Variants in RARB observed in about 807,000 individuals in gnomAD.
The protein encoded by RARB is HBV-activated protein.
In RARB, 17 loss-of-function variants were observed where a neutral mutation model predicts 51.9. The observed-to-expected ratio is 0.33, with a 90% CI of 0.22 to 0.49. The LOEUF is 0.49. Ranked by LOEUF, RARB falls within the 20% of genes least tolerant of loss-of-function variation. RARB has a pLI of 0.99. For synonymous variants in RARB, 215 were observed against 195.4 expected (o/e 1.10, Z -0.84); for missense variants, 369 against 550.8 (o/e 0.67, Z 3.30).
At chr3:24,900,343 A>G (rs1345907682) in intron 2 of RARB, among the ~76,000 whole-genome samples, 1 of 152,244 alleles carries the variant, frequency 6.6e-6, no homozygotes, top group Non-Finnish European at 1.5e-5. Flanking sequence ...GAGGCTGATT[A>G]CAACATAATG....
intron 2 of RARB, among the ~76,000 whole-genome samples, chr3:25,014,892 A>G (rs76723485): frequency 0.058 from 8,794 of 152,170 alleles, 372 homozygotes; most frequent in Non-Finnish European, 0.085. Context: ...TTTTGGTTAT[A>G]TTTCCCTAAC....
At chr3:25,189,791 A>C (rs540994903) in intron 5 of RARB, among the ~76,000 whole-genome samples, 14 of 152,108 alleles carry the variant, frequency 9.2e-5, no homozygotes, top group Non-Finnish European at 1.9e-4. Context: ...AGGCTGAGGC[A>C]GGAGAATTGG....
rs539731207 is a variant in RARB at position 25,541,870 on chromosome 3, C to A, written c.449-27888C>A. Among the ~76,000 whole-genome samples the A allele has an allele frequency of 3.9e-5, 6 of 152,318 alleles. No individual in the cohort carries two copies. The South Asian group carries it at 1.0e-3, about 26-fold the overall frequency. On this transcript the variant is annotated intron_variant, in intron 3 of 7. Transcript: ENST00000330688. ...TCCTGAGCCCCTCTGTGGTCACCAC[C>A]ATGGTACTAGCTGAGAACTCTGCTA...
rs371108313 is a variant in RARB at position 24,849,843 on chromosome 3, T to C, written c.-458-8831T>C. 2.6e-5 allele frequency among the ~76,000 whole-genome samples: 4 copies of C among 152,314 alleles called. No individual in the cohort carries two copies. The South Asian group carries it at 8.3e-4, about 32-fold the overall frequency. On this transcript the variant is annotated intron_variant, in intron 1 of 11. Transcript: ENST00000383772. ...TTTGCATTTGATACTTGGCTTAGTG[T>C]AGATGGAGTTAGGGTGGTAGATGAG...
chr3:25,496,616 C>T (rs926846441), intron 2 of RARB, among the ~76,000 whole-genome samples: 4 of 152,342 alleles, frequency 2.6e-5, no homozygotes, highest in Admixed American at 2.6e-4. Flanking sequence ...CCTATGTAAC[C>T]TCTAAAGCAG....
At chr3:25,379,143 G>T (rs1315507869) in intron 5 of RARB, among the ~76,000 whole-genome samples, 1 of 152,066 alleles carries the variant, frequency 6.6e-6, no homozygotes, top group Non-Finnish European at 1.5e-5. Flanking sequence ...GATAGCCTTG[G>T]TGTGTACAAA....
At chr3:25,596,077 C>T (rs909685190) in intron 7 of RARB, among the ~76,000 whole-genome samples, 7 of 152,148 alleles carry the variant, frequency 4.6e-5, no homozygotes, top group South Asian at 2.1e-4. Flanking sequence ...GCATAAAAGA[C>T]GAATGAAGTT....
intron 3 of RARB, among the ~76,000 whole-genome samples, chr3:25,112,692 C>G (rs1193755606): frequency 1.3e-5 from 2 of 152,144 alleles, no homozygotes; most frequent in Admixed American, 1.3e-4. Context: ...GTAGGAGAAT[C>G]ACTTGAGTCC....
chr3:25,566,184 C>A (rs1184439470), intron 3 of RARB, among the ~76,000 whole-genome samples: 1 of 152,206 alleles, frequency 6.6e-6, no homozygotes, highest in African/African-American at 2.4e-5. Context: ...CGTCTGCGTT[C>A]TTCTAGAGTT....
intron 2 of RARB, among the ~76,000 whole-genome samples, chr3:25,003,708 C>T (rs984508043): frequency 2.6e-5 from 4 of 151,990 alleles, no homozygotes; most frequent in African/African-American, 9.7e-5. Context: ...TGAGTATTTA[C>T]TGAAGATGGA....
intron 2 of RARB, among the ~76,000 whole-genome samples, chr3:25,491,001 C>T (rs1281804626): frequency 2.0e-5 from 3 of 152,138 alleles, no homozygotes; most frequent in Non-Finnish European, 4.4e-5. Context: ...TGAGAAGAGA[C>T]AAAGTAGTCC....
At chr3:25,165,637 A>AGG (rs1430428731) in intron 4 of RARB, among the ~76,000 whole-genome samples, 11 of 152,296 alleles carry the variant, frequency 7.2e-5, no homozygotes, top group African/African-American at 2.6e-4. Context: ...TTTTCTCAAA[A>AGG]ACAAGCAATG....
At chr3:25,309,027 A>T (rs1211423713) in intron 5 of RARB, among the ~76,000 whole-genome samples, 1 of 152,160 alleles carries the variant, frequency 6.6e-6, no homozygotes, top group African/African-American at 2.4e-5. Context: ...ACTCTGCATG[A>T]AATCAACCAA....
chr3:25,334,626 T>C (rs1705009849), intron 5 of RARB, among the ~76,000 whole-genome samples: 1 of 152,116 alleles, frequency 6.6e-6, no homozygotes, highest in Non-Finnish European at 1.5e-5. Context: ...CATGTATACA[T>C]ATGTAACAAA....
chr3:25,105,815 AACTC>A (rs1331941062), intron 3 of RARB, among the ~76,000 whole-genome samples: 1 of 152,228 alleles, frequency 6.6e-6, no homozygotes, highest in Admixed American at 6.5e-5. Context: ...CCACTTTATA[AACTC>A]ACTATCATGA....
At chr3:25,221,739 C>T (rs1470914658) in intron 5 of RARB, among the ~76,000 whole-genome samples, 1 of 152,176 alleles carries the variant, frequency 6.6e-6, no homozygotes, top group Non-Finnish European at 1.5e-5. Context: ...GACACAAGCT[C>T]TCAAACCCGC....
chr3:25,091,504 T>C (rs550255471), intron 3 of RARB, among the ~76,000 whole-genome samples: 1 of 152,324 alleles, frequency 6.6e-6, no homozygotes, highest in South Asian at 2.1e-4. Flanking sequence ...TTATGCCTTC[T>C]ACGGAATCCA....
At chr3:25,061,441 T>C (rs1698547302) in intron 3 of RARB, among the ~76,000 whole-genome samples, 1 of 151,898 alleles carries the variant, frequency 6.6e-6, no homozygotes, top group African/African-American at 2.4e-5. Context: ...AGAATTTCTA[T>C]AGCAGTTCCA....
intron 5 of RARB, among the ~76,000 whole-genome samples, chr3:25,417,278 T>A (rs748442733): frequency 2.0e-5 from 3 of 151,324 alleles, no homozygotes; most frequent in Non-Finnish European, 4.4e-5. Flanking sequence ...AATTTCCTAA[T>A]GTTCCCTGCC....
Sources: gnomAD v4.1 joint callset for allele counts (sites outside exome capture counted in the v4.1 genomes callset) on GRCh38, gnomAD v4.1.1 for gene constraint, MANE v1.5 for transcripts, NCBI Gene and HGNC (gene_info 2026-07-23, HGNC 2026-07-21) for gene names.